Variants in FH observed in about 807,000 individuals in gnomAD.
FH encodes fumarate hydratase, mitochondrial.
FH carries 22 observed loss-of-function variants against 49.4 expected under a neutral mutation model. The ratio of observed to expected loss-of-function variants is 0.45; its 90% CI spans 0.32 to 0.64. The LOEUF (loss-of-function observed/expected upper bound fraction) is 0.64, where lower values mean the gene tolerates loss of function less well. Among genes scored for constraint, FH ranks in the 30% least tolerant of loss-of-function variants. FH has a pLI of 0.05. For missense variants in FH, 526 were observed against 641.5 expected, an observed-to-expected ratio of 0.82 and a Z score of 1.95; for synonymous variants, 208 against 223.0, an observed-to-expected ratio of 0.93 and a Z score of 0.60.
chr1:241,511,653 T>C (rs1270754235), intron 4 of FH, among the ~76,000 whole-genome samples: 1 of 152,088 alleles, frequency 6.6e-6, no homozygotes, highest in African/African-American at 2.4e-5. Flanking sequence ...ATGTTAACAA[T>C]AAGGGAAGCT....
intron 3 of FH, among the ~76,000 whole-genome samples, 156 bp from the exon 4 acceptor site, chr1:241,512,299 G>A (rs184356390): frequency 6.6e-6 from 1 of 152,280 alleles, no homozygotes; most frequent in East Asian, 1.9e-4. Flanking sequence ...TATCTATAGT[G>A]AATGGTATGA....
intron 5 of FH, among the ~76,000 whole-genome samples, chr1:241,508,000 C>A (rs975615923): frequency 6.6e-6 from 1 of 152,132 alleles, no homozygotes; most frequent in African/African-American, 2.4e-5. Flanking sequence ...AAAATACTTT[C>A]TAATATCTTG....
At chr1:241,513,516 TC>T in intron 3 of FH, 86 bp downstream of exon 3, 2 of 975,950 alleles carry the variant, frequency 2.0e-6, no homozygotes, top group South Asian at 2.6e-5. Flanking sequence ...AATTCACAGT[TC>T]CCCTTTCCTT....
chr1:241,516,542 G>T (rs1267747538), intron 2 of FH, among the ~76,000 whole-genome samples: 2 of 152,116 alleles, frequency 1.3e-5, no homozygotes, highest in Admixed American at 6.5e-5. Flanking sequence ...GCTAATGCCG[G>T]GTTTTAATAT....
At chr1:241,510,034 A>G (rs1192874882) in intron 4 of FH, among the ~76,000 whole-genome samples, 1 of 152,130 alleles carries the variant, frequency 6.6e-6, no homozygotes, top group Non-Finnish European at 1.5e-5. Flanking sequence ...CTATAACTCT[A>G]CCTTTCTGAG....
At position 241,500,595 on chromosome 1, in the gene FH, G is replaced by GAGTA. The variant is rs1558396412; in HGVS notation, c.1237-6_1237-5insTACT. 1.0e-5 allele frequency: 16 copies of GAGTA among 1,579,634 alleles called. No homozygotes were observed. In the Admixed American group the frequency reaches 1.1e-4, roughly 11 times the overall value. ...TGAGTGTAACACATTTTTAATCTTT[G>GAGTA]AGTGAGTGAGAGAGAGAGAGAGAGA... is the stretch of plus-strand genomic sequence containing the variant. On this transcript the variant is annotated splice_polypyrimidine_tract_variant and splice_region_variant and intron_variant, in intron 8 of 9. Transcript: ENST00000366560.
intron 1 of FH, 63 bp downstream of exon 1, chr1:241,519,528 G>C: frequency 6.6e-7 from 1 of 1,512,598 alleles, no homozygotes; most frequent in Non-Finnish European, 8.9e-7. Flanking sequence ...GGGCGCCCAG[G>C]CCGGCAGGCA....
In FH at chr1:241,508,683, C is replaced by T. The variant is rs747135440; in HGVS notation, c.658G>A (p.Ala220Thr). 1.9e-6 allele frequency: 3 copies of T among 1,613,528 alleles called. No individual in the cohort carries two copies. The highest frequency in any genetic ancestry group is 2.5e-6 in the Non-Finnish European group (3 of 1,179,510). Residue 220 changes from alanine to threonine, a missense_variant, in exon 5 of 10, where the codon GCA (alanine) becomes ACA (threonine). Around this residue, in one of 2 missense-constraint regions of FH, gnomAD observed 383 missense variants for 514.0 expected, o/e 0.75. Coordinates refer to ENST00000366560, the MANE Select transcript of FH (RefSeq NM_000143.4). ...GLQKLHDALDAKSKEFAQIIK... is the reference protein window; with the variant it reads ...GLQKLHDALDTKSKEFAQIIK... ...ATCTGTGCAAACTCTTTGGATTTTG[C>T]ATCAAGAGCATCATGTAACTTCTGT...
In FH at chr1:241,513,713, T is replaced by TTGG. The variant is rs763339093; in HGVS notation, c.268-1_268insCCA (p.Pro89dup). The TTGG allele has an allele frequency of 6.2e-7, 1 of 1,611,908 alleles. No homozygotes were observed. Among genetic ancestry groups the TTGG allele is most frequent in the Non-Finnish European group, 8.5e-7 (1 of 1,177,976 alleles). On this transcript the variant is annotated inframe_insertion and splice_region_variant. Coordinates refer to ENST00000366560, the MANE Select transcript of FH (RefSeq NM_000143.4). The stretch of plus-strand genomic sequence containing the variant: ...ATGCCAAAAGCTTTAATAACTGGGG[T>TTGG]CTAAAATTAATCAGAAAAATATTTC...
Position 241,502,437 on chromosome 1 carries a change from G to T in FH, c.1236+6C>A. 6.2e-7 allele frequency: 1 copy of T among 1,613,900 alleles called. No homozygotes were observed. On this transcript the variant is annotated splice_donor_region_variant and intron_variant, in intron 8 of 9. Transcript: ENST00000366560. ...AAAAACATTAAAAATCAGATTTAAA[G>T]CTTACCATCATTGGCTTGAAAACAT...
intron 6 of FH, among the ~76,000 whole-genome samples, chr1:241,505,220 A>G (rs1659881627): frequency 6.6e-6 from 1 of 151,756 alleles, no homozygotes; most frequent in Non-Finnish European, 1.5e-5. Flanking sequence ...CCCTAATACA[A>G]TTTTTTAAAG....
rs776891545 is a variant in FH at position 241,513,626 on chromosome 1, C to T, written c.355G>A (p.Ala119Thr). 1 of 1,613,840 alleles carries T rather than the reference C, an allele frequency of 6.2e-7. No individual in the cohort carries two copies. The highest frequency in any genetic ancestry group is 8.5e-7 in the Non-Finnish European group (1 of 1,179,882). ...DYGLDPKIANAIMKAADEVAE... is the reference protein window; with the variant it reads ...DYGLDPKIANTIMKAADEVAE... ...ACCTCATCTGCTGCCTTCATTATTG[C>T]ATTAGCAATCTTTGGATCAAGACCA... The change falls in exon 3 of 10, where the codon GCA becomes ACA. Residue 119 changes from alanine to threonine, a missense_variant. Ala to Thr is a moderately conservative substitution (Grantham distance 58). Around this residue, in one of 2 missense-constraint regions of FH, gnomAD observed 383 missense variants for 514.0 expected, o/e 0.75. Transcript: ENST00000366560.
At chr1:241,502,089 G>A (rs1352328425) in intron 8 of FH, among the ~76,000 whole-genome samples, 1 of 143,936 alleles carries the variant, frequency 6.9e-6, no homozygotes, top group African/African-American at 2.5e-5. Context: ...GCGTGGAGGG[G>A]GCCATGCTGG....
At chr1:241,506,792 A>G (rs1355066954) in intron 5 of FH, among the ~76,000 whole-genome samples, 1 of 152,194 alleles carries the variant, frequency 6.6e-6, no homozygotes, top group Non-Finnish European at 1.5e-5. Context: ...CAATGTCAAC[A>G]CTGGTTCCAA....
intron 4 of FH, among the ~76,000 whole-genome samples, chr1:241,509,049 TTATATTATGTATTATATAA>T (rs1660008095): frequency 6.7e-6 from 1 of 148,316 alleles, no homozygotes; most frequent in Non-Finnish European, 1.5e-5. Context: ...ACGTATTATA[TTATATTATGTATTATATAA>T]TATATTATGT....
chr1:241,508,668 A>G lies in FH; in HGVS notation c.673T>C (p.Phe225Leu), dbSNP rs1573883177. Residue 225 changes from phenylalanine (F) to leucine (L), a missense_variant, in exon 5 of 10, where the codon TTT becomes CTT. By Grantham distance (22) the Phe-to-Leu change is conservative. This residue lies in a region of FH where 383 missense variants were observed against 514.0 expected (regional missense o/e 0.75). Transcript: ENST00000366560. ...CGTCCAATCTTGATGATCTGTGCAA[A>G]CTCTTTGGATTTTGCATCAAGAGCA... Reference protein sequence around the residue: ...HDALDAKSKEFAQIIKIGRTH... With the variant: ...HDALDAKSKELAQIIKIGRTH... 6.2e-7 allele frequency: 1 copy of G among 1,613,784 alleles called. No homozygotes were observed. The highest frequency in any genetic ancestry group is 1.1e-5 in the South Asian group (1 of 91,062).
chr1:241,500,016 C>T (rs1326085431), intron 9 of FH, among the ~76,000 whole-genome samples: 1 of 152,004 alleles, frequency 6.6e-6, no homozygotes, highest in Non-Finnish European at 1.5e-5. Context: ...TTGAATAAAA[C>T]AACAAAATTA....
intron 6 of FH, among the ~76,000 whole-genome samples, chr1:241,505,292 T>A (rs143413228): frequency 6.6e-6 from 1 of 152,190 alleles, no homozygotes; most frequent in Non-Finnish European, 1.5e-5. Flanking sequence ...CAAGATCCCC[T>A]ATAAAAACAG....
At chr1:241,506,241 AT>A in intron 5 of FH, 73 bp from the exon 6 acceptor site, 2 of 1,171,604 alleles carry the variant, frequency 1.7e-6, no homozygotes, top group Non-Finnish European at 2.4e-6. Context: ...ACTGCATTAA[AT>A]AGAAATTTTT....
Sources: gnomAD v4.1 joint callset for allele counts (sites outside exome capture counted in the v4.1 genomes callset) on GRCh38, gnomAD v4.1.1 for gene constraint, gnomAD v4.1.1 regional missense constraint, MANE v1.5 for transcripts, NCBI Gene and HGNC (gene_info 2026-07-23, HGNC 2026-07-21) for gene names.